NTRK3: variants seen among roughly 807,000 people sequenced by gnomAD.
NTRK3 encodes neurotrophic receptor tyrosine kinase 3.
In NTRK3, 24 loss-of-function variants were observed where a neutral mutation model predicts 91.7. That is an observed-to-expected ratio of 0.26 (90% CI 0.19 to 0.37). The LOEUF (loss-of-function observed/expected upper bound fraction) is 0.37. Ranked by LOEUF, NTRK3 falls within the 10% of genes least tolerant of loss-of-function variation. The pLI is 1.00. For synonymous variants in NTRK3, 483 were observed against 404.0 expected, an observed-to-expected ratio of 1.20 and a Z score of -2.34; for missense variants, 880 against 1,068.9, an observed-to-expected ratio of 0.82 and a Z score of 2.46.
At chr15:88,000,795 GAAT>G (rs2076047990) in intron 14 of NTRK3, among the ~76,000 whole-genome samples, 1 of 152,090 alleles carries the variant, frequency 6.6e-6, no homozygotes, top group Non-Finnish European at 1.5e-5. Context: ...TAGCTATTAT[GAAT>G]AATCTTGCTG....
At chr15:88,134,358 A>G (rs2041671257) in intron 10 of NTRK3, among the ~76,000 whole-genome samples, 1 of 152,242 alleles carries the variant, frequency 6.6e-6, no homozygotes, top group Non-Finnish European at 1.5e-5. Context: ...AGACAGAGAA[A>G]GACAGAATCA....
chr15:87,875,153 G>T (rs989061838), exon 19 of NTRK3: 10 of 231,312 alleles, frequency 4.3e-5, no homozygotes, highest in African/African-American at 2.2e-4. Flanking sequence ...CAGGCTGCCG[G>T]CAGTCTCTTC....
At chr15:88,141,738 C>T (rs1330843004) in intron 6 of NTRK3, among the ~76,000 whole-genome samples, 2 of 152,208 alleles carry the variant, frequency 1.3e-5, no homozygotes, top group Non-Finnish European at 2.9e-5. Flanking sequence ...CTCATGGCCC[C>T]CCAAAGGCAG....
chr15:87,965,708 T>C (rs1013404616), intron 14 of NTRK3, among the ~76,000 whole-genome samples: 1 of 152,232 alleles, frequency 6.6e-6, no homozygotes, highest in Non-Finnish European at 1.5e-5. Context: ...TAACTGATCA[T>C]TTTGATTATG....
intron 3 of NTRK3, among the ~76,000 whole-genome samples, chr15:88,221,788 G>T (rs972825011): frequency 1.3e-5 from 2 of 152,188 alleles, no homozygotes; most frequent in African/African-American, 4.8e-5. Context: ...CTTGTTCAAT[G>T]GCTCACAAGG....
At chr15:88,057,638 C>A (rs1163729182) in intron 13 of NTRK3, among the ~76,000 whole-genome samples, 3 of 152,204 alleles carry the variant, frequency 2.0e-5, no homozygotes, top group Non-Finnish European at 2.9e-5. Context: ...TTGCTATTGA[C>A]TACAACCTCA....
intron 5 of NTRK3, among the ~76,000 whole-genome samples, chr15:88,170,290 C>T (rs967542430): frequency 3.3e-5 from 5 of 152,210 alleles, no homozygotes; most frequent in African/African-American, 7.2e-5. Context: ...GCATCAGCAA[C>T]ATTTTTCACA....
At chr15:88,112,536 C>CCA (rs60965023) in intron 13 of NTRK3, among the ~76,000 whole-genome samples, 96,596 of 151,876 alleles carry the variant, frequency 0.64, 32,266 homozygotes, top group African/African-American at 0.85. Flanking sequence ...CCTGCCACTG[C>CCA]CAGTCTCTCT....
At chr15:88,088,976 T>C (rs1342529460) in intron 13 of NTRK3, among the ~76,000 whole-genome samples, 1 of 152,168 alleles carries the variant, frequency 6.6e-6, no homozygotes. Flanking sequence ...ATGCACAATC[T>C]GTACTGAATA....
chr15:87,923,917 C>A (rs2068080387), intron 17 of NTRK3, among the ~76,000 whole-genome samples: 1 of 152,150 alleles, frequency 6.6e-6, no homozygotes, highest in African/African-American at 2.4e-5. Flanking sequence ...TATGACACAG[C>A]AAGAAGGCCC....
chr15:87,919,742 C>T (rs181620354), intron 17 of NTRK3, among the ~76,000 whole-genome samples: 364 of 152,166 alleles, frequency 2.4e-3, no homozygotes, highest in Middle Eastern at 6.8e-3. Flanking sequence ...GAGGGTGGAG[C>T]AGAAATTAAA....
rs532272903 is a variant in NTRK3 at position 87,865,962 on chromosome 15, C to T, written c.*10973G>A. Reference sequence around the variant, plus strand: ...TATGCCTCAAAATGTGTCTCAAAAGCGGCTCTCAGTCACTCAGCTCAGCAC... The same window carrying T: ...TATGCCTCAAAATGTGTCTCAAAAGTGGCTCTCAGTCACTCAGCTCAGCAC... On this transcript the variant is annotated 3_prime_UTR_variant, in exon 19 of 19. Transcript: ENST00000394480. 67 of 231,158 alleles carry T rather than the reference C, an allele frequency of 2.9e-4. 1 individual carries two copies. The highest frequency in any genetic ancestry group is 2.2e-3 in the East Asian group (36 of 16,420). 14.3% of individuals were successfully genotyped at this position (231,158 alleles called of 1,614,324 possible).
intron 13 of NTRK3, among the ~76,000 whole-genome samples, chr15:88,053,505 C>T (rs1471171347): frequency 2.0e-5 from 3 of 152,194 alleles, no homozygotes; most frequent in African/African-American, 7.2e-5. Flanking sequence ...CAAGAGCAAT[C>T]TGACCATGGA....
chr15:88,249,173 TG>T (rs1323767570), intron 3 of NTRK3, among the ~76,000 whole-genome samples: 1 of 152,018 alleles, frequency 6.6e-6, no homozygotes, highest in Non-Finnish European at 1.5e-5. Flanking sequence ...GCAGGAGGAC[TG>T]GGGGCAGAGG....
chr15:88,048,069 T>C (rs2080411993), intron 13 of NTRK3, among the ~76,000 whole-genome samples: 1 of 152,208 alleles, frequency 6.6e-6, no homozygotes, highest in South Asian at 2.1e-4. Context: ...ATTGTCCTTC[T>C]TAGGCAGTCA....
At chr15:88,073,553 AGG>A (rs762259869) in intron 13 of NTRK3, among the ~76,000 whole-genome samples, 26 of 152,170 alleles carry the variant, frequency 1.7e-4, no homozygotes, top group Non-Finnish European at 1.9e-4. Context: ...CCAGGAAGGG[AGG>A]GCAGTATAAG....
chr15:87,935,272 G>C (rs186915628), intron 15 of NTRK3, among the ~76,000 whole-genome samples: 1 of 152,176 alleles, frequency 6.6e-6, no homozygotes, highest in Admixed American at 6.5e-5. Flanking sequence ...CCCAGCAAAG[G>C]TGCCAGGCTT....
intron 13 of NTRK3, among the ~76,000 whole-genome samples, chr15:88,116,997 T>C (rs994384746): frequency 2.6e-5 from 4 of 152,176 alleles, no homozygotes; most frequent in African/African-American, 9.7e-5. Flanking sequence ...GCCAGTGAAA[T>C]ATGCGGACGT....
intron 5 of NTRK3, among the ~76,000 whole-genome samples, chr15:88,152,697 C>A (rs2043499289): frequency 1.3e-5 from 2 of 152,208 alleles, no homozygotes; most frequent in African/African-American, 4.8e-5. Context: ...TGCCCTGAGG[C>A]CTTAACGGCC....
Sources: allele counts gnomAD v4.1 joint callset (sites outside exome capture counted in the v4.1 genomes callset), GRCh38; gene constraint gnomAD v4.1.1; transcripts MANE v1.5; gene names NCBI Gene and HGNC (gene_info 2026-07-23, HGNC 2026-07-21).